The following SORCS1 variants were observed in gnomAD, a reference collection of about 807,000 sequenced individuals.
SORCS1 encodes the protein sortilin related VPS10 domain containing receptor 1.
A neutral mutation model predicts 146.1 loss-of-function variants in SORCS1; 60 were observed. That is an observed-to-expected ratio of 0.41 (90% CI 0.33 to 0.51). SORCS1 has a LOEUF of 0.51. Ranked by LOEUF, SORCS1 falls within the 20% of genes least tolerant of loss-of-function variation. The pLI is 0.21. For missense variants in SORCS1, 1,352 were observed against 1,487.6 expected (o/e 0.91, Z 1.50); for synonymous variants, 637 against 584.0 (o/e 1.09, Z -1.31).
intron 24 of SORCS1, among the ~76,000 whole-genome samples, chr10:106,590,735 A>T (rs1408244168): frequency 1.3e-5 from 2 of 151,996 alleles, no homozygotes; most frequent in Non-Finnish European, 2.9e-5. Flanking sequence ...GCTCACTGCA[A>T]CCTCTGCCTT....
intron 1 of SORCS1, among the ~76,000 whole-genome samples, chr10:106,978,933 T>C (rs577270992): frequency 6.6e-6 from 1 of 152,312 alleles, no homozygotes; most frequent in East Asian, 1.9e-4. Flanking sequence ...CATGGCTATG[T>C]TCCAAGAAAA....
intron 1 of SORCS1, among the ~76,000 whole-genome samples, chr10:107,063,821 T>G (rs1056323846): frequency 2.0e-5 from 3 of 152,232 alleles, no homozygotes; most frequent in Admixed American, 6.5e-5. Context: ...AATTTGCAAC[T>G]TCTTCCTCAT....
chr10:106,578,708 C>A (rs1022233152), intron 25 of SORCS1: 3 of 1,082,994 alleles, frequency 2.8e-6, no homozygotes, highest in South Asian at 3.0e-5. Context: ...TCAATACATA[C>A]CATGTCCTGC....
intron 5 of SORCS1, among the ~76,000 whole-genome samples, 196 bp downstream of exon 5, chr10:106,761,392 T>C (rs950709161): frequency 4.6e-5 from 7 of 152,220 alleles, no homozygotes; most frequent in African/African-American, 1.7e-4. Flanking sequence ...AAGAAGACTG[T>C]GACACATTTT....
At chr10:106,851,099 T>C (rs1949552513) in intron 2 of SORCS1, among the ~76,000 whole-genome samples, 1 of 152,246 alleles carries the variant, frequency 6.6e-6, no homozygotes, top group Non-Finnish European at 1.5e-5. Flanking sequence ...GTATATTGTA[T>C]ATGACAGGCC....
At position 107,108,462 on chromosome 10, in the gene SORCS1, G is replaced by A. The variant is rs148694193; in HGVS notation, c.558+55507C>T. 2.4e-3 allele frequency among the ~76,000 whole-genome samples: 368 copies of A among 152,158 alleles called. 1 individual carries two copies. The highest frequency in any genetic ancestry group is 8.5e-3 in the African/African-American group (353 of 41,500). Reference sequence around the variant, plus strand: ...GCAAACAAGAGAGTAGTGGTGAGGTGCCACACACTTTTAAATGACCAGATC... The same window carrying A: ...GCAAACAAGAGAGTAGTGGTGAGGTACCACACACTTTTAAATGACCAGATC... On this transcript the variant is annotated intron_variant, in intron 1 of 25. Transcript: ENST00000263054.
chr10:106,628,246 T>G (rs1848224497), intron 19 of SORCS1, among the ~76,000 whole-genome samples: 1 of 152,180 alleles, frequency 6.6e-6, no homozygotes. Flanking sequence ...CATCCCCTAA[T>G]AGTCTTGCCC....
chr10:106,979,942 C>T (rs1323917000), intron 1 of SORCS1, among the ~76,000 whole-genome samples: 1 of 152,168 alleles, frequency 6.6e-6, no homozygotes, highest in Non-Finnish European at 1.5e-5. Context: ...ATGTGAAGCC[C>T]AGCCACATGG....
At chr10:106,958,549 T>C (rs1372264620) in intron 1 of SORCS1, among the ~76,000 whole-genome samples, 1 of 152,148 alleles carries the variant, frequency 6.6e-6, no homozygotes, top group East Asian at 1.9e-4. Context: ...CTTAGGTTTG[T>C]TCTGAGTTCA....
chr10:106,610,635 G>C (rs1420723218), intron 22 of SORCS1, among the ~76,000 whole-genome samples: 1 of 152,104 alleles, frequency 6.6e-6, no homozygotes, highest in Non-Finnish European at 1.5e-5. Flanking sequence ...GTTGGAAGCA[G>C]GAAAGAATGT....
chr10:106,887,217 A>G (rs1474245135), intron 2 of SORCS1, among the ~76,000 whole-genome samples: 1 of 152,244 alleles, frequency 6.6e-6, no homozygotes, highest in African/African-American at 2.4e-5. Flanking sequence ...ACAAATTGTT[A>G]AAACTAAGCA....
At chr10:106,691,956 A>G (rs1478715932) in intron 9 of SORCS1, among the ~76,000 whole-genome samples, 4 of 152,160 alleles carry the variant, frequency 2.6e-5, no homozygotes, top group African/African-American at 9.7e-5. Context: ...CTCCTACTCT[A>G]ATACAACCTT....
At chr10:107,067,962 C>T (rs1686561338) in intron 1 of SORCS1, among the ~76,000 whole-genome samples, 1 of 152,128 alleles carries the variant, frequency 6.6e-6, no homozygotes, top group Non-Finnish European at 1.5e-5. Context: ...ACAAAGGTGT[C>T]AAGAGGAAGA....
intron 1 of SORCS1, among the ~76,000 whole-genome samples, chr10:106,989,413 C>G (rs895120980): frequency 6.6e-6 from 1 of 151,916 alleles, no homozygotes; most frequent in African/African-American, 2.4e-5. Context: ...GAACTTAACT[C>G]TCACTCCTTT....
intron 2 of SORCS1, among the ~76,000 whole-genome samples, chr10:106,916,940 A>C (rs1280539561): frequency 6.6e-6 from 1 of 151,986 alleles, no homozygotes; most frequent in African/African-American, 2.4e-5. Flanking sequence ...ACGGGGTTTC[A>C]CCATGTTGGC....
chr10:106,799,337 A>G (rs1946751217), intron 3 of SORCS1, among the ~76,000 whole-genome samples: 1 of 152,250 alleles, frequency 6.6e-6, no homozygotes. Flanking sequence ...CTTCATGTCT[A>G]AAACACCAAA....
At chr10:106,693,157 A>G (rs560423894) in intron 9 of SORCS1, among the ~76,000 whole-genome samples, 1 of 152,290 alleles carries the variant, frequency 6.6e-6, no homozygotes, top group Admixed American at 6.5e-5. Context: ...AATGTCTAAA[A>G]TCTGAAACCC....
chr10:107,043,553 G>A (rs717751), intron 1 of SORCS1, among the ~76,000 whole-genome samples: 45,470 of 151,930 alleles, frequency 0.3, 7,955 homozygotes, highest in East Asian at 0.75. Flanking sequence ...ACAAGTTAAC[G>A]AGTCTTGGTA....
intron 1 of SORCS1, among the ~76,000 whole-genome samples, chr10:107,115,064 C>T (rs140210780): frequency 6.6e-6 from 1 of 152,026 alleles, no homozygotes; most frequent in Non-Finnish European, 1.5e-5. Context: ...AAGATACCTA[C>T]ACTAAAAACT....
Sources: allele counts gnomAD v4.1 joint callset (sites outside exome capture counted in the v4.1 genomes callset), GRCh38; gene constraint gnomAD v4.1.1; transcripts MANE v1.5; gene names NCBI Gene and HGNC (gene_info 2026-07-23, HGNC 2026-07-21).